The following TSHZ2 variants were observed in gnomAD, a reference collection of about 807,000 sequenced individuals.
TSHZ2 encodes teashirt homolog 2.
A neutral mutation model predicts 74.4 loss-of-function variants in TSHZ2; 21 were observed. That is an observed-to-expected ratio of 0.28 (90% CI 0.20 to 0.41). The LOEUF (loss-of-function observed/expected upper bound fraction) is 0.41. Ranked by LOEUF, TSHZ2 falls within the 10% of genes least tolerant of loss-of-function variation. TSHZ2 has a pLI of 1.00. For synonymous variants in TSHZ2, 540 were observed against 515.3 expected, an observed-to-expected ratio of 1.05 and a Z score of -0.65; for missense variants, 1,244 against 1,293.5, an observed-to-expected ratio of 0.96 and a Z score of 0.59.
chr20:53,026,792 A>G (rs1983460853), intron 1 of TSHZ2, among the ~76,000 whole-genome samples: 2 of 152,094 alleles, frequency 1.3e-5, no homozygotes, highest in African/African-American at 4.8e-5. Context: ...ATATATCTTC[A>G]ACATCTTTTC....
intron 2 of TSHZ2, among the ~76,000 whole-genome samples, chr20:53,425,194 T>C (rs1983612944): frequency 6.6e-6 from 1 of 152,224 alleles, no homozygotes; most frequent in Non-Finnish European, 1.5e-5. Flanking sequence ...GAGTTCTCAC[T>C]TCTCTCACTT....
intron 1 of TSHZ2, among the ~76,000 whole-genome samples, chr20:53,134,008 C>A (rs957904015): frequency 4.7e-5 from 7 of 147,826 alleles, no homozygotes; most frequent in Non-Finnish European, 8.9e-5. Flanking sequence ...ATGGGCAAGA[C>A]CTTGATACTA....
chr20:53,094,824 A>G (rs1985991744), intron 1 of TSHZ2, among the ~76,000 whole-genome samples: 1 of 152,214 alleles, frequency 6.6e-6, no homozygotes, highest in African/African-American at 2.4e-5. Context: ...ATGAATAGCC[A>G]GTGGCTGTTC....
chr20:52,984,821 C>A (rs1439005473), intron 1 of TSHZ2, among the ~76,000 whole-genome samples: 1 of 152,030 alleles, frequency 6.6e-6, no homozygotes, highest in Non-Finnish European at 1.5e-5. Context: ...TGACAGTGGT[C>A]CGGGGAGAGA....
At position 53,387,115 on chromosome 20, in the gene TSHZ2, T is replaced by A. The variant is rs370157753; in HGVS notation, c.*9-100029T>A. On this transcript the variant is annotated intron_variant, in intron 2 of 2. Transcript: ENST00000371497. Reference sequence around the variant, plus strand: ...CACCTGCCTAGACAGAGAGCGTCTTTAGAAGTGGACAGCGATCGTTTTCAC... The same window carrying A: ...CACCTGCCTAGACAGAGAGCGTCTTAAGAAGTGGACAGCGATCGTTTTCAC... Among the ~76,000 whole-genome samples the A allele has an allele frequency of 3.9e-3, 598 of 152,268 alleles. 1 individual carries two copies. The highest frequency in any genetic ancestry group is 0.011 in the South Asian group (52 of 4,814).
rs1568839353 is a variant in TSHZ2, at chr20:53,256,455, C to T, written c.2997C>T (p.Cys999=). The stretch of plus-strand genomic sequence containing the variant: ...ACTCTAAATTCAAGTGTAAGTTGTG[C>T]TGTCGGACATTTGTGAGCAAACATG... ...DTDSKFKCKL[C]CRTFVSKHAV... Residue 999 remains cysteine, a synonymous_variant, in exon 2 of 3, where the codon TGC becomes TGT. Transcript: ENST00000371497. This position sits in a 1 kb window ranked among gnomAD's most constrained non-coding sequence, Gnocchi z 4.3. 1.2e-6 allele frequency: 2 copies of T among 1,614,118 alleles called. No homozygotes were observed. The highest frequency in any genetic ancestry group is 1.7e-6 in the Non-Finnish European group (2 of 1,179,970).
chr20:53,283,144 A>G (rs776830622), intron 2 of TSHZ2, among the ~76,000 whole-genome samples: 15 of 152,174 alleles, frequency 9.9e-5, no homozygotes, highest in Non-Finnish European at 1.9e-4. Context: ...AAGTAGGATC[A>G]TGGGTCCCCA....
chr20:53,062,932 G>C (rs1017773612), intron 1 of TSHZ2, among the ~76,000 whole-genome samples: 1 of 151,918 alleles, frequency 6.6e-6, no homozygotes, highest in Non-Finnish European at 1.5e-5. Context: ...TGAATACTTA[G>C]AAGCCATGGC....
chr20:53,259,292 A>G (rs916680315), intron 2 of TSHZ2, among the ~76,000 whole-genome samples: 9 of 152,218 alleles, frequency 5.9e-5, no homozygotes, highest in African/African-American at 2.2e-4. Flanking sequence ...GAAAGACACA[A>G]CTTTTGATCT....
intron 1 of TSHZ2, among the ~76,000 whole-genome samples, chr20:53,042,964 G>C (rs528269758): frequency 1.3e-5 from 2 of 152,190 alleles, no homozygotes; most frequent in Admixed American, 6.5e-5. Flanking sequence ...AAATAAATTA[G>C]AGTGCATGAT....
In TSHZ2 at chr20:53,214,720, TGAAAA is replaced by T. The variant is rs1379763922; in HGVS notation, c.41-38775_41-38771del. 5.3e-5 allele frequency among the ~76,000 whole-genome samples: 8 copies of T among 151,484 alleles called. No individual in the cohort carries two copies. The South Asian group carries it at 8.4e-4, about 16-fold the overall frequency. On this transcript the variant is annotated intron_variant, in intron 1 of 2. Transcript: ENST00000371497. ...GTGACAGAGCAAGACTGTCTCAAAA[TGAAAA>T]GAAGAAGAAGACAATGTGAGCAGAG...
chr20:53,345,744 C>T (rs1468322177), intron 2 of TSHZ2, among the ~76,000 whole-genome samples: 1 of 151,384 alleles, frequency 6.6e-6, no homozygotes, highest in Admixed American at 6.6e-5. Context: ...CCTGCCCCTC[C>T]TCCCCTCCCT....
intron 1 of TSHZ2, among the ~76,000 whole-genome samples, chr20:53,019,564 T>C (rs934255618): frequency 1.3e-5 from 2 of 152,150 alleles, no homozygotes; most frequent in Non-Finnish European, 2.9e-5. Flanking sequence ...GCCTGTGATA[T>C]TGACCCCCAT....
chr20:53,474,508 C>T (rs1296198011), intron 2 of TSHZ2, among the ~76,000 whole-genome samples: 4 of 107,854 alleles, frequency 3.7e-5, no homozygotes, highest in South Asian at 3.6e-4. Context: ...CTGAAGGAAG[C>T]GCTAAACATG....
chr20:53,138,412 C>T (rs1220179457), intron 1 of TSHZ2, among the ~76,000 whole-genome samples: 1 of 151,014 alleles, frequency 6.6e-6, no homozygotes, highest in East Asian at 1.9e-4. Context: ...AAAAACAATA[C>T]TTCACATATA....
At chr20:53,420,073 A>G (rs1388101361) in intron 2 of TSHZ2, among the ~76,000 whole-genome samples, 3 of 152,288 alleles carry the variant, frequency 2.0e-5, no homozygotes, top group Non-Finnish European at 4.4e-5. Flanking sequence ...TGCTCTATAC[A>G]GAAGTCTACA....
At chr20:53,176,215 T>C (rs1322427525) in intron 1 of TSHZ2, among the ~76,000 whole-genome samples, 5 of 152,354 alleles carry the variant, frequency 3.3e-5, no homozygotes, top group African/African-American at 1.2e-4. Flanking sequence ...TCTCTCCCTC[T>C]TTCTTTTACC....
At chr20:53,138,699 T>C (rs1266507926) in intron 1 of TSHZ2, among the ~76,000 whole-genome samples, 2 of 152,210 alleles carry the variant, frequency 1.3e-5, no homozygotes, top group African/African-American at 2.4e-5. Context: ...TGAGAACCCT[T>C]CTCTAAGTCC....
chr20:53,162,700 G>T (rs1023365627), intron 1 of TSHZ2, among the ~76,000 whole-genome samples: 1 of 152,160 alleles, frequency 6.6e-6, no homozygotes, highest in Non-Finnish European at 1.5e-5. Flanking sequence ...TGGGAAAGGA[G>T]GGGCTATGCT....
Sources: gnomAD v4.1 joint callset for allele counts (sites outside exome capture counted in the v4.1 genomes callset) on GRCh38, gnomAD v4.1.1 for gene constraint, Gnocchi (gnomAD v3.1) non-coding constraint, MANE v1.5 for transcripts, NCBI Gene and HGNC (gene_info 2026-07-23, HGNC 2026-07-21) for gene names.